Variants in PRKCE observed in about 807,000 individuals in gnomAD.
PRKCE encodes protein kinase C epsilon.
A neutral mutation model predicts 85.4 loss-of-function variants in PRKCE; 16 were observed. The observed-to-expected ratio is 0.19, with a 90% CI of 0.13 to 0.28. The LOEUF (loss-of-function observed/expected upper bound fraction) is 0.28. PRKCE is among the 10% of genes least tolerant of loss of function. PRKCE has a pLI of 1.00. For synonymous variants in PRKCE, 388 were observed against 371.5 expected (o/e 1.04, Z -0.51); for missense variants, 573 against 975.2 (o/e 0.59, Z 5.49).
chr2:45,962,824 G>A (rs907777351), intron 2 of PRKCE, among the ~76,000 whole-genome samples: 2 of 152,126 alleles, frequency 1.3e-5, no homozygotes, highest in Non-Finnish European at 1.5e-5. Flanking sequence ...GAGCTCCTGA[G>A]CCCTGAAGGA....
In PRKCE at chr2:46,145,046, T is replaced by G; in HGVS notation, c.1593-47T>G. The G allele has an allele frequency of 6.3e-7, 1 of 1,597,980 alleles. No homozygotes were observed. The highest frequency in any genetic ancestry group is 8.5e-7 in the Non-Finnish European group (1 of 1,178,788). ...ATACCTCCAACTCAGGAAGACTATA[T>G]TGGGGTGAGTGACGTATTGACATTA... On this transcript the variant is annotated intron_variant, in intron 11 of 14. Coordinates refer to ENST00000306156, the MANE Select transcript of PRKCE (RefSeq NM_005400.3). This position sits in a 1 kb window ranked among gnomAD's most constrained non-coding sequence, Gnocchi z 4.6.
rs34233761 is a variant in PRKCE at position 45,712,137 on chromosome 2, C to CTTTTTTTT, written c.348+59709_348+59716dup. On this transcript the variant is annotated intron_variant, in intron 1 of 14. Transcript: ENST00000306156. ...ACCTCTTGCCACTCTACGGCCTGTCCTTTTTTTTTTTTTTTTTTTTTTTTT... is the reference window on the plus strand; with the variant it reads ...ACCTCTTGCCACTCTACGGCCTGTCCTTTTTTTTTTTTTTTTTTTTTTTTTTTTTTTTT... 8.7e-5 allele frequency among the ~76,000 whole-genome samples: 4 copies of CTTTTTTTT among 45,838 alleles called. 1 individual carries two copies. Among genetic ancestry groups the CTTTTTTTT allele is most frequent in the Non-Finnish European group, 1.5e-4 (4 of 27,112 alleles). 30.1% of individuals were successfully genotyped at this position (45,838 alleles called of 152,430 possible).
At position 46,151,280 on chromosome 2, in the gene PRKCE, T is replaced by TACACACACAC. The variant is rs35676949; in HGVS notation, c.1920+86_1920+95dup. 2,179 of 558,970 alleles carry TACACACACAC rather than the reference T, an allele frequency of 3.9e-3. 20 individuals carry two copies. The highest frequency in any genetic ancestry group is 0.021 in the African/African-American group (942 of 44,104). The allele number at this position is 558,970 out of a possible 1,614,324, so 34.6% of individuals were successfully genotyped here. A position where few individuals can be genotyped will look rare whatever the true frequency, so the allele number is the denominator to read the frequency against. On this transcript the variant is annotated intron_variant, in intron 13 of 14. Coordinates refer to ENST00000306156, the MANE Select transcript of PRKCE (RefSeq NM_005400.3). The stretch of plus-strand genomic sequence containing the variant: ...CTGTGCTCTCCTGGGCTCCTCCCCC[T>TACACACACAC]ACACACACACACACACACACACACA...
rs541036968 is a variant in PRKCE at position 46,073,037 on chromosome 2, G to T, written c.1438-13171G>T. ...CCCAGGGCCCACCCCAGAATCAGAA[G>T]CTCTGATAGAGGGGCCTGGAAATCT... On this transcript the variant is annotated intron_variant, in intron 10 of 14. Coordinates refer to ENST00000306156, the MANE Select transcript of PRKCE (RefSeq NM_005400.3). 2.0e-5 allele frequency among the ~76,000 whole-genome samples: 3 copies of T among 152,354 alleles called. No homozygotes were observed. In the East Asian group the frequency reaches 5.8e-4, roughly 29 times the overall value.
At chr2:45,858,793 C>A (rs1171720315) in intron 2 of PRKCE, among the ~76,000 whole-genome samples, 1 of 152,122 alleles carries the variant, frequency 6.6e-6, no homozygotes, top group Non-Finnish European at 1.5e-5. Flanking sequence ...GTAATCCCAG[C>A]ACTTTGGGAG....
intron 10 of PRKCE, chr2:46,010,843 T>C: frequency 6.5e-7 from 1 of 1,539,064 alleles, no homozygotes; most frequent in Non-Finnish European, 8.7e-7. Flanking sequence ...CCTAACTTTC[T>C]ATCACTAATC....
chr2:46,132,802 A>C (rs1441029507), intron 11 of PRKCE, among the ~76,000 whole-genome samples: 1 of 152,204 alleles, frequency 6.6e-6, no homozygotes, highest in Non-Finnish European at 1.5e-5. Context: ...CAAATGTAAG[A>C]CTTCTTTTTT....
chr2:45,925,790 A>T (rs1347225537), intron 2 of PRKCE, among the ~76,000 whole-genome samples: 1 of 152,212 alleles, frequency 6.6e-6, no homozygotes, highest in Non-Finnish European at 1.5e-5. Flanking sequence ...TTGATGACAG[A>T]AGGCTGCTTT....
rs76260667 is a variant in PRKCE, at chr2:45,753,050, C to G, written c.349-89950C>G. On this transcript the variant is annotated intron_variant, in intron 1 of 14. Coordinates refer to ENST00000306156, the MANE Select transcript of PRKCE (RefSeq NM_005400.3). ...TTGTTTCTTCTCCCCATCAACTTTC[C>G]TGGTCAGGGCACAGGGTGTAGGGCA... Among the ~76,000 whole-genome samples the G allele has an allele frequency of 8.9e-3, 1,350 of 152,244 alleles. 15 individuals are homozygous for G. Among genetic ancestry groups the G allele is most frequent in the Non-Finnish European group, 0.015 (1,026 of 68,012 alleles).
intron 6 of PRKCE, among the ~76,000 whole-genome samples, chr2:45,990,940 G>A (rs1256821288): frequency 6.6e-6 from 1 of 151,712 alleles, no homozygotes; most frequent in Non-Finnish European, 1.5e-5. Flanking sequence ...GGGATTACAG[G>A]TGTGAGCCAC....
chr2:45,959,659 T>C (rs1192398245), intron 2 of PRKCE, among the ~76,000 whole-genome samples: 1 of 152,182 alleles, frequency 6.6e-6, no homozygotes, highest in African/African-American at 2.4e-5. Flanking sequence ...ACTTTCTTCC[T>C]TGCTTTTCTC....
chr2:46,064,308 A>T (rs1170998732), intron 10 of PRKCE, among the ~76,000 whole-genome samples: 1 of 151,624 alleles, frequency 6.6e-6, no homozygotes, highest in African/African-American at 2.4e-5. Context: ...AAAAAGAAAA[A>T]GAAAATTGTT....
intron 1 of PRKCE, among the ~76,000 whole-genome samples, chr2:45,712,838 T>C (rs1477332747): frequency 1.3e-5 from 2 of 152,162 alleles, no homozygotes; most frequent in African/African-American, 4.8e-5. Flanking sequence ...TCCAGCACAC[T>C]TCCCTGTCCT....
chr2:46,136,012 C>A (rs1174628669), intron 11 of PRKCE, among the ~76,000 whole-genome samples: 3 of 152,020 alleles, frequency 2.0e-5, no homozygotes, highest in Non-Finnish European at 4.4e-5. Flanking sequence ...ATATTCCCAT[C>A]TGATTGACCA....
At chr2:46,157,243 G>A (rs1457122518) in intron 13 of PRKCE, among the ~76,000 whole-genome samples, 5 of 152,108 alleles carry the variant, frequency 3.3e-5, no homozygotes, top group African/African-American at 1.2e-4. Flanking sequence ...AGCCGCACCC[G>A]AGTCCACCAG....
intron 1 of PRKCE, among the ~76,000 whole-genome samples, chr2:45,731,117 A>C (rs1402050287): frequency 6.6e-6 from 1 of 152,164 alleles, no homozygotes; most frequent in Non-Finnish European, 1.5e-5. Context: ...CAGTTTAGAG[A>C]CTGGTGAGTT....
rs921307240 is a variant in PRKCE, at chr2:45,808,954, C to G, written c.349-34046C>G. ...CCTACTCCCTCCTGTTGCCCTCTTC[C>G]TAAATTACTACTGTACCCGGCTCTA... On this transcript the variant is annotated intron_variant, in intron 1 of 14. Coordinates refer to ENST00000306156, the MANE Select transcript of PRKCE (RefSeq NM_005400.3). 2.6e-5 allele frequency among the ~76,000 whole-genome samples: 4 copies of G among 152,112 alleles called. No homozygotes were observed. The East Asian group carries it at 7.7e-4, about 29-fold the overall frequency.
chr2:45,909,183 T>C (rs1306162259), intron 2 of PRKCE, among the ~76,000 whole-genome samples: 1 of 152,250 alleles, frequency 6.6e-6, no homozygotes, highest in Non-Finnish European at 1.5e-5. Flanking sequence ...TCGCAGATTA[T>C]ATTGTCTCAC....
At position 46,088,904 on chromosome 2, in the gene PRKCE, A is replaced by G. The variant is rs533617401; in HGVS notation, c.1592+2542A>G. On this transcript the variant is annotated intron_variant, in intron 11 of 14. Coordinates refer to ENST00000306156, the MANE Select transcript of PRKCE (RefSeq NM_005400.3). The stretch of plus-strand genomic sequence containing the variant: ...CATAGGAGGTATAACTGACACACCA[A>G]CTCATGCTGCACACCATGACACTTG... 2.0e-5 allele frequency among the ~76,000 whole-genome samples: 3 copies of G among 152,196 alleles called. No individual in the cohort carries two copies. In the South Asian group the frequency reaches 6.2e-4, roughly 32 times the overall value.
Sources: allele counts gnomAD v4.1 joint callset (sites outside exome capture counted in the v4.1 genomes callset), GRCh38; gene constraint gnomAD v4.1.1; non-coding constraint Gnocchi (gnomAD v3.1); transcripts MANE v1.5; gene names NCBI Gene and HGNC (gene_info 2026-07-23, HGNC 2026-07-21).